Variants in GPAT3 observed in about 807,000 individuals in gnomAD.
GPAT3 encodes the protein glycerol-3-phosphate acyltransferase 3.
A neutral mutation model predicts 58.8 loss-of-function variants in GPAT3; 53 were observed. The ratio of observed to expected loss-of-function variants is 0.90; its 90% CI spans 0.72 to 1.13. The LOEUF (loss-of-function observed/expected upper bound fraction) is 1.13, where lower values mean the gene tolerates loss of function less well. Ranked by LOEUF, GPAT3 falls within the 50% of genes most tolerant of loss-of-function variation. The pLI is 0.00. For missense variants in GPAT3, 511 were observed against 527.6 expected (o/e 0.97, Z 0.31); for synonymous variants, 197 against 187.4 (o/e 1.05, Z -0.42).
At chr4:83,563,784 T>G (rs1001074278) in intron 2 of GPAT3, among the ~76,000 whole-genome samples, 22 of 152,024 alleles carry the variant, frequency 1.4e-4, no homozygotes, top group African/African-American at 5.1e-4. Flanking sequence ...CCCGGCCAAG[T>G]GTTTATTATT....
intron 2 of GPAT3, among the ~76,000 whole-genome samples, chr4:83,552,041 T>C (rs1409232897): frequency 6.6e-6 from 1 of 152,166 alleles, no homozygotes; most frequent in African/African-American, 2.4e-5. Flanking sequence ...GGGATGTGAT[T>C]TGATGGTTAT....
At chr4:83,566,069 G>A (rs1386738692) in intron 2 of GPAT3, among the ~76,000 whole-genome samples, 1 of 152,182 alleles carries the variant, frequency 6.6e-6, no homozygotes, top group East Asian at 1.9e-4. Context: ...ATGCCGCCGA[G>A]CTGTTATGCT....
chr4:83,595,216 C>A (rs1726775779), intron 7 of GPAT3: 1 of 261,708 alleles, frequency 3.8e-6, no homozygotes, highest in Non-Finnish European at 7.2e-6. Context: ...AGTCCAGTCA[C>A]TGAATTTTCA....
At position 83,594,943 on chromosome 4, in the gene GPAT3, A is replaced by G. The variant is rs748078161; in HGVS notation, c.837A>G (p.Arg279=). Residue 279 remains arginine, a synonymous_variant, in exon 7 of 12, where the codon CGA becomes CGG. Transcript: ENST00000264409. ...TTGAACGCTCAGAAATGAAGGATCG[A>G]CACCTGGTTACTAAGAGGTAAGCAG... The part of the protein sequence containing the change: ...VWFERSEMKD[R]HLVTKRLKEH... The G allele has an allele frequency of 2.5e-5, 40 of 1,613,674 alleles. No individual in the cohort carries two copies. Among genetic ancestry groups the G allele is most frequent in the Non-Finnish European group, 3.1e-5 (36 of 1,179,770 alleles).
chr4:83,542,775 C>T (rs1724350434), intron 1 of GPAT3, among the ~76,000 whole-genome samples: 1 of 151,428 alleles, frequency 6.6e-6, no homozygotes, highest in South Asian at 2.1e-4. Context: ...AGGCAGATGG[C>T]TCACCTGAGG....
At chr4:83,583,405 C>T (rs1443016481) in intron 3 of GPAT3, among the ~76,000 whole-genome samples, 1 of 151,924 alleles carries the variant, frequency 6.6e-6, no homozygotes, top group Non-Finnish European at 1.5e-5. Context: ...CATGGTGGCT[C>T]ACACCTGTAA....
At chr4:83,568,852 A>T (rs143190393) in intron 2 of GPAT3, among the ~76,000 whole-genome samples, 1 of 152,100 alleles carries the variant, frequency 6.6e-6, no homozygotes, top group Non-Finnish European at 1.5e-5. Flanking sequence ...CCCCACTTCC[A>T]ATAACTGAGA....
intron 11 of GPAT3, among the ~76,000 whole-genome samples, chr4:83,603,824 T>A (rs1436653833): frequency 6.6e-6 from 1 of 151,574 alleles, no homozygotes; most frequent in East Asian, 1.9e-4. Context: ...AAAATATAAC[T>A]TGTTAAACAT....
rs573035615 is a variant in GPAT3, at chr4:83,578,311, A to G, written c.209-3251A>G. 3.3e-5 allele frequency among the ~76,000 whole-genome samples: 5 copies of G among 152,350 alleles called. No homozygotes were observed. In the East Asian group the frequency reaches 7.7e-4, roughly 23 times the overall value. On this transcript the variant is annotated intron_variant, in intron 2 of 11. Coordinates refer to ENST00000264409, the MANE Select transcript of GPAT3 (RefSeq NM_032717.5). ...TTGGGAAATTAATCCTTTGTCGGCT[A>G]GATAAATTGCAGTTACCTACATACT...
At chr4:83,546,472 T>A (rs1724515635) in intron 2 of GPAT3, among the ~76,000 whole-genome samples, 2 of 152,042 alleles carry the variant, frequency 1.3e-5, no homozygotes, top group South Asian at 4.1e-4. Flanking sequence ...TTGTCAAATA[T>A]CTGCTTTTTC....
At chr4:83,561,116 T>C (rs1383845587) in intron 2 of GPAT3, among the ~76,000 whole-genome samples, 1 of 152,234 alleles carries the variant, frequency 6.6e-6, no homozygotes, top group African/African-American at 2.4e-5. Flanking sequence ...AATAACACCC[T>C]TCTTCAAATT....
intron 5 of GPAT3, among the ~76,000 whole-genome samples, chr4:83,588,989 GTCTT>G (rs1490834502): frequency 6.6e-6 from 1 of 152,016 alleles, no homozygotes; most frequent in Non-Finnish European, 1.5e-5. Context: ...TACTGATTTG[GTCTT>G]TCTTTCTCAT....
In GPAT3 at chr4:83,579,034, CTTTCTTTCTTTCTTTCTTT is replaced by C. The variant is rs1560620970; in HGVS notation, c.209-2527_209-2509del. On this transcript the variant is annotated intron_variant, in intron 2 of 11. Coordinates refer to ENST00000264409, the MANE Select transcript of GPAT3 (RefSeq NM_032717.5). ...CTTCTTTCCCTTTCTTTCTTTCTTT[CTTTCTTTCTTTCTTTCTTT>C]CTTTCTTTCTTTCTTTCTTTCTTTC... 4.6e-3 allele frequency among the ~76,000 whole-genome samples: 115 copies of C among 25,240 alleles called. 8 individuals are homozygous for C. The highest frequency in any genetic ancestry group is 0.014 in the East Asian group (12 of 882). The allele number at this position is 25,240 out of a possible 152,430, so 16.6% of individuals were successfully genotyped here.
In GPAT3 at chr4:83,581,695, G is replaced by A; in HGVS notation, c.342G>A (p.Gln114=). ...LEAIVEDEVT[Q]RFSSEELVSW... is the part of the protein sequence containing the mutation. Reference sequence around the variant, plus strand: ...CCATTGTAGAAGATGAAGTGACCCAGAGGTTTTCCTCAGAGGAGCTAGTGT... The same window carrying A: ...CCATTGTAGAAGATGAAGTGACCCAAAGGTTTTCCTCAGAGGAGCTAGTGT... Residue 114 remains glutamine, a synonymous_variant, in exon 3 of 12, where the codon CAG becomes CAA. Coordinates refer to ENST00000264409, the MANE Select transcript of GPAT3 (RefSeq NM_032717.5). 1 of 1,614,180 alleles carries A rather than the reference G, an allele frequency of 6.2e-7. No homozygotes were observed. Among genetic ancestry groups the A allele is most frequent in the African/African-American group, 1.3e-5 (1 of 75,046 alleles).
At chr4:83,578,096 T>C (rs1725887035) in intron 2 of GPAT3, among the ~76,000 whole-genome samples, 1 of 152,160 alleles carries the variant, frequency 6.6e-6, no homozygotes, top group Non-Finnish European at 1.5e-5. Flanking sequence ...CCACCATACC[T>C]GGCCTCACTG....
intron 3 of GPAT3, among the ~76,000 whole-genome samples, chr4:83,585,369 T>C (rs2110101013): frequency 6.7e-6 from 1 of 150,164 alleles, no homozygotes; most frequent in Non-Finnish European, 1.5e-5. Flanking sequence ...TAATATATAT[T>C]AATGTATTAC....
In GPAT3 at chr4:83,565,475, T is replaced by C. The variant is rs116019933; in HGVS notation, c.209-16087T>C. Among the ~76,000 whole-genome samples the C allele has an allele frequency of 7.5e-3, 1,129 of 151,034 alleles. 13 individuals carry two copies. Among genetic ancestry groups the C allele is most frequent in the African/African-American group, 0.027 (1,087 of 41,018 alleles). ...GTACTTGTCTTCTCATGCACTGTTATCATATTATCTTAATTATTGATTTTT... is the reference window on the plus strand; with the variant it reads ...GTACTTGTCTTCTCATGCACTGTTACCATATTATCTTAATTATTGATTTTT... On this transcript the variant is annotated intron_variant, in intron 2 of 11. Coordinates refer to ENST00000264409, the MANE Select transcript of GPAT3 (RefSeq NM_032717.5).
chr4:83,586,980 G>A (rs543894069), intron 3 of GPAT3, among the ~76,000 whole-genome samples: 3 of 152,310 alleles, frequency 2.0e-5, no homozygotes, highest in Admixed American at 2.0e-4. Flanking sequence ...TGCATATACA[G>A]ACTTGTTACA....
intron 2 of GPAT3, among the ~76,000 whole-genome samples, chr4:83,555,038 A>G (rs1012728968): frequency 2.6e-5 from 4 of 152,064 alleles, no homozygotes; most frequent in Non-Finnish European, 2.9e-5. Context: ...TCCTGACCTC[A>G]GGTGATCCAC....
Sources: allele counts gnomAD v4.1 joint callset (sites outside exome capture counted in the v4.1 genomes callset), GRCh38; gene constraint gnomAD v4.1.1; transcripts MANE v1.5; gene names NCBI Gene and HGNC (gene_info 2026-07-23, HGNC 2026-07-21).